The following CLIP2 variants were observed in gnomAD, a reference collection of about 807,000 sequenced individuals.
The protein encoded by CLIP2 is CAP-Gly domain containing linker protein 2.
CLIP2 carries 41 observed loss-of-function variants against 111.7 expected under a neutral mutation model. That is an observed-to-expected ratio of 0.37 (90% confidence interval 0.29 to 0.48). The LOEUF (loss-of-function observed/expected upper bound fraction) is 0.48. CLIP2 is among the 20% of genes least tolerant of loss of function. CLIP2 has a pLI of 0.99. For synonymous variants in CLIP2, 660 were observed against 644.2 expected, an observed-to-expected ratio of 1.02 and a Z score of -0.37; for missense variants, 1,160 against 1,422.1, an observed-to-expected ratio of 0.82 and a Z score of 2.96.
Position 74,381,527 on chromosome 7 carries a change from A to T in CLIP2, c.2479+664A>T, listed in dbSNP as rs1034098366. 108 of 449,578 alleles carry T rather than the reference A, an allele frequency of 2.4e-4. 2 individuals are homozygous for T. The highest frequency in any genetic ancestry group is 3.3e-4 in the Middle Eastern group (1 of 3,072). The allele number at this position is 449,578 out of a possible 1,614,324, so 27.8% of individuals were successfully genotyped here. ...AACAGGTCTAAACTTCAAATGGTTC[A>T]AAGGGCATATGGCAAACTAACTCTT... On this transcript the variant is annotated intron_variant, in intron 11 of 16. Transcript: ENST00000223398.
At chr7:74,402,035 G>A (rs797035533) in intron 16 of CLIP2, among the ~76,000 whole-genome samples, 6 of 152,178 alleles carry the variant, frequency 3.9e-5, no homozygotes, top group African/African-American at 9.6e-5. Flanking sequence ...GGCCGAGGCC[G>A]GTGGGTCACT....
rs1194278990 is a variant in CLIP2, at chr7:74,376,411, G to C, written c.2010G>C (p.Lys670Asn). 6.2e-7 allele frequency: 1 copy of C among 1,614,070 alleles called. No individual in the cohort carries two copies. Among genetic ancestry groups the C allele is most frequent in the East Asian group, 2.2e-5 (1 of 44,864 alleles). Reference sequence around the variant, plus strand: ...TGGAGCTGGGTAACTTGCAGGCCAAGCATGACCTGGAGACCGCCATGCACG... The same window carrying C: ...TGGAGCTGGGTAACTTGCAGGCCAACCATGACCTGGAGACCGCCATGCACG... The part of the protein sequence containing the change: ...HQLELGNLQA[K>N]HDLETAMHVK... The change falls in exon 10 of 17, where the codon AAG becomes AAC. Residue 670 changes from lysine to asparagine, a missense_variant. This residue lies in a region of CLIP2 where 676 missense variants were observed against 777.8 expected (regional missense o/e 0.87). Transcript: ENST00000223398. The surrounding 1 kb of genome is among the most constrained non-coding windows in gnomAD (Gnocchi z 7.1).
At chr7:74,290,077 C>CCCGTA (rs1787969993) in intron 1 of CLIP2, among the ~76,000 whole-genome samples, 1 of 152,222 alleles carries the variant, frequency 6.6e-6, no homozygotes, top group Non-Finnish European at 1.5e-5. Flanking sequence ...TGGAGGGTCG[C>CCCGTA]CCGTACCCCC....
At chr7:74,393,122 A>C (rs1334620854) in intron 13 of CLIP2, among the ~76,000 whole-genome samples, 20 of 137,322 alleles carry the variant, frequency 1.5e-4, no homozygotes, top group Non-Finnish European at 3.0e-4. Context: ...TGCAACCTCC[A>C]CCTTCTGGGT....
chr7:74,327,790 G>A (rs1789158954), intron 2 of CLIP2, among the ~76,000 whole-genome samples: 1 of 152,156 alleles, frequency 6.6e-6, no homozygotes, highest in African/African-American at 2.4e-5. Context: ...CGGGGCGGGG[G>A]TCCGGCTGCC....
Position 74,360,282 on chromosome 7 carries a change from C to T in CLIP2, c.1319+4C>T, listed in dbSNP as rs1028404979. The T allele has an allele frequency of 5.0e-6, 8 of 1,586,302 alleles. No homozygotes were observed. The Admixed American group carries it at 7.1e-5, about 14-fold the overall frequency. ...ACCAGCTGGAGGAGGAGAGGAGGTACGTGCTGGCCCACCCTCGCCCTGGCC... is the reference window on the plus strand; with the variant it reads ...ACCAGCTGGAGGAGGAGAGGAGGTATGTGCTGGCCCACCCTCGCCCTGGCC... On this transcript the variant is annotated splice_donor_region_variant and intron_variant, in intron 7 of 16. Coordinates refer to ENST00000223398, the MANE Select transcript of CLIP2 (RefSeq NM_003388.5).
chr7:74,321,390 C>A (rs1423134828), intron 2 of CLIP2, among the ~76,000 whole-genome samples: 1 of 152,172 alleles, frequency 6.6e-6, no homozygotes, highest in African/African-American at 2.4e-5. Context: ...CAGAGCTGAG[C>A]ATTTCCTATT....
chr7:74,389,401 C>A, intron 13 of CLIP2, 142 bp downstream of exon 13: 3 of 785,284 alleles, frequency 3.8e-6, no homozygotes, highest in Non-Finnish European at 5.9e-6. Context: ...GATCACCCTG[C>A]TCTCCTCTAA....
Position 74,359,422 on chromosome 7 carries a change from T to C in CLIP2, c.1216-753T>C, listed in dbSNP as rs547655729. Reference sequence around the variant, plus strand: ...AGGCTGGAGTGCAGTAGTGTGATCTTGGCTCACTGCAAGCTCCGCCCCCCA... The same window carrying C: ...AGGCTGGAGTGCAGTAGTGTGATCTCGGCTCACTGCAAGCTCCGCCCCCCA... On this transcript the variant is annotated intron_variant, in intron 6 of 16. Coordinates refer to ENST00000223398, the MANE Select transcript of CLIP2 (RefSeq NM_003388.5). 3.1e-4 allele frequency among the ~76,000 whole-genome samples: 47 copies of C among 151,090 alleles called. 1 individual carries two copies. In the South Asian group the frequency reaches 6.1e-3, roughly 20 times the overall value.
At chr7:74,308,156 G>C (rs1392135733) in intron 1 of CLIP2, among the ~76,000 whole-genome samples, 1 of 152,194 alleles carries the variant, frequency 6.6e-6, no homozygotes, top group Non-Finnish European at 1.5e-5. Context: ...GGTGTCAGTA[G>C]GTAATGCAAA....
chr7:74,317,599 GCC>G lies in CLIP2; in HGVS notation c.56_57del (p.Pro19HisfsTer18). 1 of 1,519,690 alleles carries G rather than the reference GCC, an allele frequency of 6.6e-7. No homozygotes were observed. Among genetic ancestry groups the G allele is most frequent in the Non-Finnish European group, 8.9e-7 (1 of 1,128,444 alleles). The allele number at this position is 1,519,690 out of a possible 1,614,324, so 94.1% of individuals were successfully genotyped here. ...CCCGGCCGTGGGGGGAAGCACTCCA[GCC>G]CCATGGGCCGGACATCTACTGGGTC... On this transcript the variant is annotated frameshift_variant, in exon 2 of 17. Transcript: ENST00000223398. LOFTEE classifies it high-confidence loss of function.
chr7:74,351,054 GAAGA>G (rs1295721064), intron 3 of CLIP2, among the ~76,000 whole-genome samples: 33 of 92,718 alleles, frequency 3.6e-4, no homozygotes, highest in Non-Finnish European at 4.2e-4. Flanking sequence ...GGAAGGAAGA[GAAGA>G]AAGAAAGAGA....
At chr7:74,305,943 C>T (rs1237373245) in intron 1 of CLIP2, among the ~76,000 whole-genome samples, 1 of 148,204 alleles carries the variant, frequency 6.7e-6, no homozygotes, top group Admixed American at 6.9e-5. Flanking sequence ...TTGTGGGGGA[C>T]CCCTGGCTTG....
intron 3 of CLIP2, among the ~76,000 whole-genome samples, chr7:74,339,462 C>G (rs513697): frequency 6.6e-6 from 1 of 151,688 alleles, no homozygotes; most frequent in Non-Finnish European, 1.5e-5. Flanking sequence ...TGTGCCACCA[C>G]GCCCGGCTAA....
chr7:74,403,817 A>T lies in CLIP2; in HGVS notation c.3130-20A>T, dbSNP rs1387245154. 4.3e-6 allele frequency: 7 copies of T among 1,612,808 alleles called. No homozygotes were observed. The highest frequency in any genetic ancestry group is 1.1e-5 in the South Asian group (1 of 91,060). ...AGGCTCTCTGAGACCCTTGCTGATG[A>T]TGCCCTTTACTCTCTCTAGGACAAG... is the stretch of plus-strand genomic sequence containing the variant. On this transcript the variant is annotated intron_variant, in intron 16 of 16. Coordinates refer to ENST00000223398, the MANE Select transcript of CLIP2 (RefSeq NM_003388.5).
chr7:74,344,296 C>T (rs1789742635), intron 3 of CLIP2, among the ~76,000 whole-genome samples: 1 of 152,114 alleles, frequency 6.6e-6, no homozygotes, highest in African/African-American at 2.4e-5. Context: ...GCTATCTTGA[C>T]CTTAGCTTCT....
At chr7:74,388,893 C>T in intron 12 of CLIP2, 1 of 461,472 alleles carries the variant, frequency 2.2e-6, no homozygotes, top group Non-Finnish European at 3.8e-6. Flanking sequence ...GAGTTGGAGG[C>T]TGCAATGAGC....
chr7:74,373,057 G>A (rs782489591), intron 9 of CLIP2, 21 bp downstream of exon 9: 7 of 1,516,302 alleles, frequency 4.6e-6, no homozygotes, highest in East Asian at 2.4e-5. Context: ...CACCGCACCC[G>A]CCTGGCCCGC....
chr7:74,313,163 T>C lies in CLIP2; in HGVS notation c.-67-4317T>C, dbSNP rs373329305. ...AGACCCTGTCTCTACAAAAAACTTG[T>C]AAACTTAGCCGGGGCAGGGGATGGT... On this transcript the variant is annotated intron_variant, in intron 1 of 16. Coordinates refer to ENST00000223398, the MANE Select transcript of CLIP2 (RefSeq NM_003388.5). Among the ~76,000 whole-genome samples the C allele has an allele frequency of 8.6e-5, 13 of 151,152 alleles. No individual in the cohort carries two copies. In the South Asian group the frequency reaches 2.5e-3, roughly 29 times the overall value.
Sources: allele counts gnomAD v4.1 joint callset (sites outside exome capture counted in the v4.1 genomes callset), GRCh38; gene constraint gnomAD v4.1.1; regional missense constraint gnomAD v4.1.1; non-coding constraint Gnocchi (gnomAD v3.1); transcripts MANE v1.5; gene names NCBI Gene and HGNC (gene_info 2026-07-23, HGNC 2026-07-21).